INSYN2B: variants seen among roughly 807,000 people sequenced by gnomAD.
INSYN2B encodes protein INSYN2B.
Under a neutral mutation model 41.2 loss-of-function variants are expected in INSYN2B, and 16 were observed. That is an observed-to-expected ratio of 0.39 (90% CI 0.26 to 0.59). INSYN2B has a LOEUF of 0.59. Ranked by LOEUF, INSYN2B falls within the 20% of genes least tolerant of loss-of-function variation. The probability of loss-of-function intolerance (pLI) is 0.57; values close to 1 mark genes in which losing one functional copy is unlikely to be tolerated. For missense variants in INSYN2B, 608 were observed against 646.4 expected (o/e 0.94, Z 0.64); for synonymous variants, 245 against 244.4 (o/e 1.00, Z -0.02).
chr5:169,961,747 G>T (rs548936663), intron 1 of INSYN2B, among the ~76,000 whole-genome samples: 1 of 152,104 alleles, frequency 6.6e-6, no homozygotes, highest in African/African-American at 2.4e-5. Flanking sequence ...GGAGGCCGAG[G>T]TGGGCAGATT....
intron 1 of INSYN2B, among the ~76,000 whole-genome samples, chr5:169,963,425 G>A (rs1777171310): frequency 6.6e-6 from 1 of 152,132 alleles, no homozygotes; most frequent in South Asian, 2.1e-4. Flanking sequence ...AGTCCCTGGG[G>A]ACCTATGCTT....
intron 1 of INSYN2B, among the ~76,000 whole-genome samples, chr5:169,929,276 C>T (rs1019615624): frequency 6.6e-6 from 1 of 152,212 alleles, no homozygotes; most frequent in Admixed American, 6.5e-5. Context: ...ATATGGTAAA[C>T]ATTTCTCTTT....
At chr5:169,878,875 C>T (rs558353364) in intron 3 of INSYN2B, among the ~76,000 whole-genome samples, 1 of 152,286 alleles carries the variant, frequency 6.6e-6, no homozygotes, top group East Asian at 1.9e-4. Context: ...ATCCATTCAC[C>T]TTTATGTACG....
At chr5:169,875,235 T>C (rs1338253423) in intron 3 of INSYN2B, 1 of 456,742 alleles carries the variant, frequency 2.2e-6, no homozygotes, top group East Asian at 6.9e-5. Context: ...GGGAGCTTGC[T>C]GCAACTGCGG....
chr5:169,916,261 C>T (rs554071194), intron 1 of INSYN2B, among the ~76,000 whole-genome samples: 1 of 152,322 alleles, frequency 6.6e-6, no homozygotes, highest in East Asian at 1.9e-4. Context: ...CAAAATAATT[C>T]TAGGTGTGTT....
At position 169,929,895 on chromosome 5, in the gene INSYN2B, C is replaced by T. The variant is rs539608868; in HGVS notation, c.-918-45079G>A. Reference sequence around the variant, plus strand: ...GTGCTCCAATATGGTAGCCACTAGCCACACATGCCTGTTAAACATATGCAT... The same window carrying T: ...GTGCTCCAATATGGTAGCCACTAGCTACACATGCCTGTTAAACATATGCAT... On this transcript the variant is annotated intron_variant, in intron 1 of 3. Coordinates refer to ENST00000377365, the MANE Select transcript of INSYN2B (RefSeq NM_001129891.3). 2.0e-5 allele frequency among the ~76,000 whole-genome samples: 3 copies of T among 152,268 alleles called. No individual in the cohort carries two copies. The South Asian group carries it at 6.2e-4, about 32-fold the overall frequency.
chr5:169,868,293 A>G (rs1771725712), intron 3 of INSYN2B, among the ~76,000 whole-genome samples: 1 of 152,212 alleles, frequency 6.6e-6, no homozygotes, highest in South Asian at 2.1e-4. Context: ...AACTACTCCT[A>G]CTTTCCAATT....
chr5:169,942,437 T>C (rs1177502284), intron 1 of INSYN2B, among the ~76,000 whole-genome samples: 2 of 152,230 alleles, frequency 1.3e-5, no homozygotes, highest in Non-Finnish European at 2.9e-5. Flanking sequence ...CAACAGTTCA[T>C]GCACTCGTCC....
rs1036341674 is a variant in INSYN2B at position 169,863,755 on chromosome 5, C to A, written c.*518G>T. ...TGATCTTGCATAAGCATTTTATGCC[C>A]TGCCCACTTCTCTTGTGCTTATTAT... On this transcript the variant is annotated 3_prime_UTR_variant, in exon 4 of 4. Coordinates refer to ENST00000377365, the MANE Select transcript of INSYN2B (RefSeq NM_001129891.3). Among the ~76,000 whole-genome samples, 4 of 152,204 alleles carry A rather than the reference C, an allele frequency of 2.6e-5. No homozygotes were observed. Among genetic ancestry groups the A allele is most frequent in the Non-Finnish European group, 5.9e-5 (4 of 68,036 alleles).
intron 1 of INSYN2B, among the ~76,000 whole-genome samples, chr5:169,904,800 C>G (rs1007926271): frequency 6.6e-6 from 1 of 152,198 alleles, no homozygotes; most frequent in African/African-American, 2.4e-5. Context: ...GTTTGCTAAT[C>G]CCCAAGTCAC....
intron 1 of INSYN2B, among the ~76,000 whole-genome samples, chr5:169,961,064 G>A (rs535419171): frequency 6.6e-6 from 1 of 152,302 alleles, no homozygotes; most frequent in South Asian, 2.1e-4. Context: ...CCAGTATATT[G>A]CATGAGTGAG....
chr5:169,909,982 T>C (rs1774503876), intron 1 of INSYN2B, among the ~76,000 whole-genome samples: 2 of 152,112 alleles, frequency 1.3e-5, no homozygotes, highest in Admixed American at 1.3e-4. Flanking sequence ...GCACCAGCAT[T>C]TTTTTTAATG....
chr5:169,955,003 G>A (rs1341016698), intron 1 of INSYN2B, among the ~76,000 whole-genome samples: 2 of 152,218 alleles, frequency 1.3e-5, no homozygotes, highest in African/African-American at 4.8e-5. Flanking sequence ...ACCTCCATGA[G>A]GAAGGCTCAA....
chr5:169,866,216 A>C (rs931953846), intron 3 of INSYN2B, among the ~76,000 whole-genome samples: 7 of 152,128 alleles, frequency 4.6e-5, no homozygotes, highest in African/African-American at 1.7e-4. Context: ...CTCCACTTAC[A>C]TGCCTTCTCT....
intron 3 of INSYN2B, among the ~76,000 whole-genome samples, chr5:169,872,009 G>T (rs541267127): frequency 1.8e-4 from 27 of 152,256 alleles, no homozygotes; most frequent in African/African-American, 5.5e-4. Context: ...CTCAGCAGTG[G>T]GTCCTGCTCT....
intron 1 of INSYN2B, among the ~76,000 whole-genome samples, chr5:169,933,563 C>T (rs1008227999): frequency 1.3e-5 from 2 of 152,206 alleles, no homozygotes; most frequent in Non-Finnish European, 2.9e-5. Context: ...TGCTTATTTG[C>T]CCACTTTTCA....
At chr5:169,902,248 C>T (rs1460934005) in intron 1 of INSYN2B, among the ~76,000 whole-genome samples, 2 of 152,190 alleles carry the variant, frequency 1.3e-5, no homozygotes, top group African/African-American at 2.4e-5. Flanking sequence ...GAAAAGCTGT[C>T]ACAGGAGCAA....
intron 3 of INSYN2B, among the ~76,000 whole-genome samples, chr5:169,870,724 G>A (rs1017571442): frequency 6.6e-6 from 1 of 151,938 alleles, no homozygotes; most frequent in Non-Finnish European, 1.5e-5. Context: ...TTTAGCATTA[G>A]GTCTGTGTTT....
intron 1 of INSYN2B, among the ~76,000 whole-genome samples, chr5:169,899,257 A>G (rs890085719): frequency 6.6e-6 from 1 of 152,192 alleles, no homozygotes; most frequent in Non-Finnish European, 1.5e-5. Flanking sequence ...GCACGCCCAG[A>G]CAGTATGGCT....
Sources: gnomAD v4.1 joint callset for allele counts (sites outside exome capture counted in the v4.1 genomes callset) on GRCh38, gnomAD v4.1.1 for gene constraint, MANE v1.5 for transcripts, NCBI Gene and HGNC (gene_info 2026-07-23, HGNC 2026-07-21) for gene names.